KIF4A: variants seen among roughly 807,000 people sequenced by gnomAD.
The protein encoded by KIF4A is chromosome-associated kinesin KIF4A.
A neutral mutation model predicts 105.9 loss-of-function variants in KIF4A; 7 were observed. That is an observed-to-expected ratio of 0.07 (90% CI 0.04 to 0.12). The LOEUF is 0.12. Ranked by LOEUF, KIF4A falls within the 10% of genes least tolerant of loss-of-function variation. The probability of loss-of-function intolerance (pLI) is 1.00; values close to 1 mark genes in which losing one functional copy is unlikely to be tolerated. For missense variants in KIF4A, 558 were observed against 929.2 expected (o/e 0.60, Z 5.19); for synonymous variants, 281 against 331.3 (o/e 0.85, Z 1.65).
chrX:70,390,987 AGTTT>A (rs1312579049), intron 20 of KIF4A, among the ~76,000 whole-genome samples: 1 of 112,034 alleles, frequency 8.9e-6, no homozygotes, highest in Non-Finnish European at 1.9e-5. Flanking sequence ...GATATACCAC[AGTTT>A]GTTTATCCAT....
At chrX:70,360,147 G>A (rs1042226353) in intron 15 of KIF4A, among the ~76,000 whole-genome samples, 1 of 111,825 alleles carries the variant, frequency 8.9e-6, no homozygotes, top group African/African-American at 3.2e-5. Flanking sequence ...GGGAGGCCTG[G>A]GGCACGCGGT....
intron 15 of KIF4A, among the ~76,000 whole-genome samples, chrX:70,362,941 G>C (rs949133875): frequency 1.1e-4 from 12 of 110,423 alleles, no homozygotes; most frequent in Admixed American, 2.9e-4. Flanking sequence ...TATTTATCTA[G>C]AGACAAAGTC....
At chrX:70,412,372 C>T (rs962752541) in intron 28 of KIF4A, among the ~76,000 whole-genome samples, 2 of 111,411 alleles carry the variant, frequency 1.8e-5, no homozygotes, top group African/African-American at 3.3e-5. Context: ...TTTATGACAG[C>T]CCTTCAGATA....
chrX:70,315,905 A>G (rs1328443852), intron 7 of KIF4A, among the ~76,000 whole-genome samples: 1 of 111,865 alleles, frequency 8.9e-6, no homozygotes, highest in Non-Finnish European at 1.9e-5. Flanking sequence ...GCCACAGACC[A>G]TGTTTCCATC....
At chrX:70,291,991 A>G (rs901027878) in intron 3 of KIF4A, among the ~76,000 whole-genome samples, 6 of 111,981 alleles carry the variant, frequency 5.4e-5, no homozygotes, top group African/African-American at 1.6e-4. Flanking sequence ...GATATGGCTC[A>G]AGGAACACTG....
intron 9 of KIF4A, among the ~76,000 whole-genome samples, chrX:70,333,212 G>A (rs561629190): frequency 9.3e-6 from 1 of 108,090 alleles, no homozygotes; most frequent in Non-Finnish European, 1.9e-5. Context: ...GTTGGCGGGC[G>A]CCTGTAGTCC....
chrX:70,404,392 T>A (rs1465011231), intron 24 of KIF4A, among the ~76,000 whole-genome samples: 1 of 110,991 alleles, frequency 9.0e-6, no homozygotes, highest in Non-Finnish European at 1.9e-5. Context: ...TACAGGAAAT[T>A]AGCTGAGTGT....
At chrX:70,390,937 G>A (rs759102554) in intron 20 of KIF4A, among the ~76,000 whole-genome samples, 5 of 112,019 alleles carry the variant, frequency 4.5e-5, no homozygotes, top group Admixed American at 3.8e-4. Context: ...TGTAGTTTGC[G>A]TGTTTTTGTT....
At chrX:70,398,313 C>T (rs1452690839) in intron 22 of KIF4A, among the ~76,000 whole-genome samples, 2 of 112,446 alleles carry the variant, frequency 1.8e-5, no homozygotes, top group African/African-American at 6.5e-5. Flanking sequence ...TCCAGGATTA[C>T]AGGTGTGAGC....
intron 18 of KIF4A, among the ~76,000 whole-genome samples, chrX:70,381,216 A>T (rs2086196335): frequency 8.9e-6 from 1 of 112,070 alleles, no homozygotes; most frequent in Non-Finnish European, 1.9e-5. Flanking sequence ...ATATACTAGC[A>T]ATTAACAATT....
chrX:70,363,560 C>A (rs2086086845), intron 15 of KIF4A, among the ~76,000 whole-genome samples: 1 of 111,471 alleles, frequency 9.0e-6, no homozygotes, highest in South Asian at 3.8e-4. Context: ...CATGTCCCTA[C>A]AAAGGACATG....
intron 22 of KIF4A, among the ~76,000 whole-genome samples, chrX:70,398,016 TTTTG>T (rs200255055): frequency 0.016 from 1,811 of 111,447 alleles, 36 homozygotes; most frequent in African/African-American, 0.055. Flanking sequence ...GGGCTGGGGT[TTTTG>T]TTTGTTTGTT....
chrX:70,343,114 A>G (rs1172371443), intron 11 of KIF4A, among the ~76,000 whole-genome samples: 4 of 110,872 alleles, frequency 3.6e-5, no homozygotes, highest in Admixed American at 9.6e-5. Context: ...CTCTACCATC[A>G]TTCTTGTGCC....
intron 23 of KIF4A, 126 bp from the exon 24 acceptor site, chrX:70,403,738 T>C: frequency 1.8e-6 from 1 of 541,792 alleles, no homozygotes; most frequent in Non-Finnish European, 3.0e-6. Flanking sequence ...AAAATAAGAA[T>C]AGACTTGAAC....
At chrX:70,328,703 C>T (rs781117964) in intron 7 of KIF4A, among the ~76,000 whole-genome samples, 10 of 111,685 alleles carry the variant, frequency 9.0e-5, no homozygotes, top group Non-Finnish European at 1.9e-4. Flanking sequence ...TATTTTAACA[C>T]CAACTATGCA....
intron 28 of KIF4A, among the ~76,000 whole-genome samples, chrX:70,417,169 A>G (rs5980933): frequency 0.061 from 6,884 of 112,550 alleles, 191 homozygotes; most frequent in Middle Eastern, 0.091. Flanking sequence ...TTATTATGCT[A>G]TCCCTCTGAT....
chrX:70,306,842 C>CTT (rs1253944613), intron 7 of KIF4A, among the ~76,000 whole-genome samples: 6 of 100,225 alleles, frequency 6.0e-5, no homozygotes, highest in Admixed American at 1.1e-4. Context: ...TGCCCGGCCT[C>CTT]TTTTTTTTTT....
At chrX:70,370,800 G>C (rs1309556403) in intron 15 of KIF4A, among the ~76,000 whole-genome samples, 2 of 109,095 alleles carry the variant, frequency 1.8e-5, no homozygotes, top group Non-Finnish European at 3.8e-5. Context: ...GCCAAGTGTG[G>C]TGGCAGGTGC....
At chrX:70,314,752 G>A (rs897102044) in intron 7 of KIF4A, among the ~76,000 whole-genome samples, 7 of 111,003 alleles carry the variant, frequency 6.3e-5, no homozygotes, top group African/African-American at 2.3e-4. Context: ...AGGGCCAAGG[G>A]TAAATGAGTC....
Sources: allele counts gnomAD v4.1 joint callset (sites outside exome capture counted in the v4.1 genomes callset), GRCh38; gene constraint gnomAD v4.1.1; transcripts MANE v1.5; gene names NCBI Gene and HGNC (gene_info 2026-07-23, HGNC 2026-07-21).